Variants in KCTD8 observed in about 807,000 individuals in gnomAD.
The protein encoded by KCTD8 is BTB/POZ domain-containing protein KCTD8.
A neutral mutation model predicts 31.5 loss-of-function variants in KCTD8; 27 were observed. That is an observed-to-expected ratio of 0.86 (90% CI 0.63 to 1.18). KCTD8 has a LOEUF of 1.18. Among genes scored for constraint, KCTD8 ranks in the 50% most tolerant of loss-of-function variants. The pLI, the probability that KCTD8 is intolerant of heterozygous loss-of-function variation, is 0.00. For missense variants in KCTD8, 658 were observed against 647.7 expected (o/e 1.02, Z -0.17); for synonymous variants, 290 against 280.0 (o/e 1.04, Z -0.36).
chr4:44,223,044 C>A (rs1714852703), intron 1 of KCTD8, among the ~76,000 whole-genome samples: 1 of 152,072 alleles, frequency 6.6e-6, no homozygotes, highest in South Asian at 2.1e-4. Context: ...GTAGAGAATG[C>A]AAGAAGGGCA....
chr4:44,175,323 C>T, intron 1 of KCTD8, 73 bp from the exon 2 acceptor site: 1 of 881,126 alleles, frequency 1.1e-6, no homozygotes, highest in East Asian at 2.6e-5. Flanking sequence ...ATTAAATGAA[C>T]TCTATATTTT....
At chr4:44,287,648 CAAAT>C (rs2109382922) in intron 1 of KCTD8, among the ~76,000 whole-genome samples, 1 of 152,250 alleles carries the variant, frequency 6.6e-6, no homozygotes, top group South Asian at 2.1e-4. Flanking sequence ...CCATCTGTGG[CAAAT>C]AAATAGCACC....
chr4:44,410,245 G>T (rs1400467740), intron 1 of KCTD8, among the ~76,000 whole-genome samples: 2 of 152,104 alleles, frequency 1.3e-5, no homozygotes, highest in East Asian at 1.9e-4. Flanking sequence ...AATAAGTATG[G>T]CCCGCTTGTT....
intron 1 of KCTD8, among the ~76,000 whole-genome samples, chr4:44,358,791 G>A (rs543302477): frequency 4.6e-5 from 7 of 152,026 alleles, no homozygotes; most frequent in South Asian, 2.1e-4. Context: ...GGATGGTCTC[G>A]ATCTCCTGAC....
intron 1 of KCTD8, among the ~76,000 whole-genome samples, chr4:44,323,914 G>A (rs933048767): frequency 7.9e-5 from 12 of 151,824 alleles, no homozygotes; most frequent in African/African-American, 2.9e-4. Flanking sequence ...GTTCTAGGAG[G>A]GATAGCATTG....
chr4:44,177,187 G>T (rs1218708515), intron 1 of KCTD8, among the ~76,000 whole-genome samples: 1 of 152,136 alleles, frequency 6.6e-6, no homozygotes, highest in Non-Finnish European at 1.5e-5. Context: ...CACAGTGGCT[G>T]ATGGGTACAG....
intron 1 of KCTD8, among the ~76,000 whole-genome samples, chr4:44,288,810 T>C (rs1560416269): frequency 6.6e-6 from 1 of 152,024 alleles, no homozygotes. Context: ...CCTACCCTCT[T>C]CCTTTCTGCA....
At chr4:44,352,025 G>A (rs957126246) in intron 1 of KCTD8, among the ~76,000 whole-genome samples, 1 of 151,858 alleles carries the variant, frequency 6.6e-6, no homozygotes, top group Non-Finnish European at 1.5e-5. Flanking sequence ...TGAGACTGGG[G>A]ATATAGAGAA....
At chr4:44,414,519 C>T (rs1721028967) in intron 1 of KCTD8, among the ~76,000 whole-genome samples, 1 of 152,060 alleles carries the variant, frequency 6.6e-6, no homozygotes, top group Non-Finnish European at 1.5e-5. Context: ...TCTCCTGAGA[C>T]CATTTAACAA....
chr4:44,303,379 T>A lies in KCTD8; in HGVS notation c.962-128129A>T, dbSNP rs1393305638. ...TCTTTTTGGTTGGTAAGCTATTGATTATTGCCACAATTTCAGATCCTGTTA... is the reference window on the plus strand; with the variant it reads ...TCTTTTTGGTTGGTAAGCTATTGATAATTGCCACAATTTCAGATCCTGTTA... On this transcript the variant is annotated intron_variant, in intron 1 of 1. Transcript: ENST00000360029. Among the ~76,000 whole-genome samples the A allele has an allele frequency of 1.3e-5, 2 of 152,092 alleles. 1 individual carries two copies. Among genetic ancestry groups the A allele is most frequent in the African/African-American group, 4.8e-5 (2 of 41,376 alleles).
At chr4:44,209,513 C>T (rs891017035) in intron 1 of KCTD8, among the ~76,000 whole-genome samples, 4 of 151,400 alleles carry the variant, frequency 2.6e-5, no homozygotes, top group Non-Finnish European at 3.0e-5. Context: ...CACACACACA[C>T]TCTCACACAC....
At position 44,447,580 on chromosome 4, in the gene KCTD8, G is replaced by A; in HGVS notation, c.944C>T (p.Thr315Ile). ...GAACTTACGGAAGAAAATGTACTCG[G>A]TGTAGCTGCTCCAGATCTTGTCGTC... Reference protein sequence around the residue: ...YRDDKIWSSYTEYIFFRPPQK... With the variant: ...YRDDKIWSSYIEYIFFRPPQK... The change falls in exon 1 of 2, where the codon ACC (threonine) becomes ATC (isoleucine). Residue 315 changes from threonine (T) to isoleucine (I), a missense_variant. Transcript: ENST00000360029. The A allele has an allele frequency of 6.3e-7, 1 of 1,589,398 alleles. No homozygotes were observed. Among genetic ancestry groups the A allele is most frequent in the Non-Finnish European group, 8.6e-7 (1 of 1,166,732 alleles).
chr4:44,358,918 AC>A (rs1477709267), intron 1 of KCTD8, among the ~76,000 whole-genome samples: 1 of 152,104 alleles, frequency 6.6e-6, no homozygotes, highest in Non-Finnish European at 1.5e-5. Context: ...TTCTCTAATG[AC>A]CAGTGATGAT....
chr4:44,235,324 G>A (rs1577845350), intron 1 of KCTD8, among the ~76,000 whole-genome samples: 1 of 149,688 alleles, frequency 6.7e-6, no homozygotes, highest in South Asian at 2.1e-4. Flanking sequence ...GCAAAATTGA[G>A]ATTTAAATTG....
chr4:44,362,547 G>A (rs953862844), intron 1 of KCTD8, among the ~76,000 whole-genome samples: 2 of 151,992 alleles, frequency 1.3e-5, no homozygotes, highest in Non-Finnish European at 2.9e-5. Context: ...TAGAATGTAC[G>A]GCAAAACAGT....
rs1713168667 is a variant in KCTD8, at chr4:44,175,100, T to C, written c.1112A>G (p.Asp371Gly). 6.2e-7 allele frequency: 1 copy of C among 1,614,070 alleles called. No homozygotes were observed. The highest frequency in any genetic ancestry group is 2.2e-5 in the East Asian group (1 of 44,866). Residue 371 changes from aspartate to glycine, a missense_variant, in exon 2 of 2, where the codon GAC becomes GGC. Physicochemically the swap from Asp to Gly is moderately conservative, Grantham distance 94. Coordinates refer to ENST00000360029, the MANE Select transcript of KCTD8 (RefSeq NM_198353.3). ...TGCCTGCTGGGCACTGGATGGGTTG[T>C]CCTGGGGAGTGCTTGCCTCTGAATG... ...DSHSEASTPQ[D>G]NPSSAQQATA...
intron 1 of KCTD8, among the ~76,000 whole-genome samples, chr4:44,399,452 G>A (rs1425578616): frequency 6.6e-6 from 1 of 152,126 alleles, no homozygotes; most frequent in African/African-American, 2.4e-5. Flanking sequence ...TGGAGACTAA[G>A]GATGTAAGCA....
At chr4:44,385,095 T>A (rs1298880802) in intron 1 of KCTD8, among the ~76,000 whole-genome samples, 3 of 151,578 alleles carry the variant, frequency 2.0e-5, no homozygotes, top group Admixed American at 2.0e-4. Context: ...TGGAAAAACA[T>A]TTTCATGGAT....
At chr4:44,241,709 C>T (rs1715461460) in intron 1 of KCTD8, among the ~76,000 whole-genome samples, 1 of 152,186 alleles carries the variant, frequency 6.6e-6, no homozygotes, top group Admixed American at 6.5e-5. Flanking sequence ...ATTGGAATCA[C>T]AGGTCCCAGT....
Sources: gnomAD v4.1 joint callset for allele counts (sites outside exome capture counted in the v4.1 genomes callset) on GRCh38, gnomAD v4.1.1 for gene constraint, MANE v1.5 for transcripts, NCBI Gene and HGNC (gene_info 2026-07-23, HGNC 2026-07-21) for gene names.